The following TRDN variants were observed in gnomAD, a reference collection of about 807,000 sequenced individuals.
TRDN encodes the protein triadin.
Under a neutral mutation model 149.7 loss-of-function variants are expected in TRDN, and 161 were observed. The ratio of observed to expected loss-of-function variants is 1.08; its 90% CI spans 0.95 to 1.23. The LOEUF (loss-of-function observed/expected upper bound fraction) is 1.23, where lower values mean the gene tolerates loss of function less well. Ranked by LOEUF, TRDN falls within the 50% of genes most tolerant of loss-of-function variation. The probability of loss-of-function intolerance (pLI) is 0.00; values close to 1 mark genes in which losing one functional copy is unlikely to be tolerated. For missense variants in TRDN, 896 were observed against 823.5 expected, an observed-to-expected ratio of 1.09 and a Z score of -1.08; for synonymous variants, 294 against 250.5, an observed-to-expected ratio of 1.17 and a Z score of -1.64.
chr6:123,407,271 G>A (rs1272351753), intron 12 of TRDN, among the ~76,000 whole-genome samples: 13 of 152,128 alleles, frequency 8.5e-5, no homozygotes, highest in African/African-American at 2.4e-5. Flanking sequence ...CAACCAAACC[G>A]AACGAAACAT....
In TRDN at chr6:123,331,945, G is replaced by A. The variant is rs756376177; in HGVS notation, c.1421-16C>T. 27 of 1,523,074 alleles carry A rather than the reference G, an allele frequency of 1.8e-5. No homozygotes were observed. Among genetic ancestry groups the A allele is most frequent in the Non-Finnish European group, 2.1e-5 (24 of 1,133,498 alleles). 94.3% of individuals were successfully genotyped at this position (1,523,074 alleles called of 1,614,324 possible). On this transcript the variant is annotated splice_polypyrimidine_tract_variant and intron_variant, in intron 22 of 40. Transcript: ENST00000334268. ...TTAATAGGTTCTGAAAAGAAACATC[G>A]GACATTTATTTGAAGCCAAGACAAA...
At chr6:123,566,835 T>C (rs1027308728) in intron 2 of TRDN, among the ~76,000 whole-genome samples, 14 of 152,244 alleles carry the variant, frequency 9.2e-5, no homozygotes, top group African/African-American at 1.9e-4. Flanking sequence ...AGTTCTTTCA[T>C]TTTTATAATA....
At chr6:123,492,732 T>C (rs1778275173) in intron 9 of TRDN, among the ~76,000 whole-genome samples, 1 of 152,106 alleles carries the variant, frequency 6.6e-6, no homozygotes, top group Non-Finnish European at 1.5e-5. Context: ...ATCCGTACTA[T>C]CAATTTCCAA....
chr6:123,500,634 A>G (rs1778656279), intron 8 of TRDN, among the ~76,000 whole-genome samples: 1 of 152,132 alleles, frequency 6.6e-6, no homozygotes, highest in Non-Finnish European at 1.5e-5. Flanking sequence ...TTGGAATAAC[A>G]CATGCTGTCC....
At chr6:123,622,446 A>G (rs772986034) in intron 1 of TRDN, among the ~76,000 whole-genome samples, 1 of 152,116 alleles carries the variant, frequency 6.6e-6, no homozygotes, top group Non-Finnish European at 1.5e-5. Flanking sequence ...AAGTTTTGGG[A>G]GGAGTCAAAG....
chr6:123,618,392 C>T (rs930894318), intron 1 of TRDN, among the ~76,000 whole-genome samples: 3 of 152,124 alleles, frequency 2.0e-5, no homozygotes, highest in African/African-American at 4.8e-5. Flanking sequence ...CTGATTGCAT[C>T]TCCCGCTGGC....
At chr6:123,516,914 T>C (rs1779437662) in intron 5 of TRDN, among the ~76,000 whole-genome samples, 1 of 152,104 alleles carries the variant, frequency 6.6e-6, no homozygotes, top group African/African-American at 2.4e-5. Context: ...CTTTCAATCA[T>C]GTCTTTTTGA....
intron 1 of TRDN, among the ~76,000 whole-genome samples, chr6:123,579,738 A>G (rs748191132): frequency 6.6e-6 from 1 of 152,132 alleles, no homozygotes; most frequent in Non-Finnish European, 1.5e-5. Flanking sequence ...TGTAATCCCT[A>G]TAATCCCCAC....
chr6:123,523,833 G>A (rs916157023), intron 5 of TRDN, among the ~76,000 whole-genome samples: 5 of 152,134 alleles, frequency 3.3e-5, no homozygotes, highest in African/African-American at 1.2e-4. Context: ...CCCCAGTGGT[G>A]AAAGAGGGAG....
chr6:123,229,738 T>C (rs1280380582), intron 38 of TRDN, among the ~76,000 whole-genome samples: 1 of 151,880 alleles, frequency 6.6e-6, no homozygotes, highest in African/African-American at 2.4e-5. Context: ...CTAATAAATA[T>C]GGACTCTAAT....
At chr6:123,339,086 C>T (rs915538412) in intron 21 of TRDN, among the ~76,000 whole-genome samples, 10 of 151,750 alleles carry the variant, frequency 6.6e-5, no homozygotes, top group Non-Finnish European at 1.5e-4. Context: ...GATCTTGGCT[C>T]ACTGAAATCC....
At chr6:123,582,010 AG>A (rs1431653168) in intron 1 of TRDN, among the ~76,000 whole-genome samples, 1 of 152,218 alleles carries the variant, frequency 6.6e-6, no homozygotes, top group East Asian at 1.9e-4. Context: ...TAAGTGACCA[AG>A]GCCCAAGGCA....
chr6:123,615,245 C>T (rs1785024099), intron 1 of TRDN, among the ~76,000 whole-genome samples: 1 of 152,078 alleles, frequency 6.6e-6, no homozygotes, highest in African/African-American at 2.4e-5. Context: ...TATGGGGCTT[C>T]CTCAAAAAAC....
At chr6:123,230,155 G>T (rs1209379193) in intron 38 of TRDN, among the ~76,000 whole-genome samples, 1 of 151,938 alleles carries the variant, frequency 6.6e-6, no homozygotes, top group Admixed American at 6.6e-5. Flanking sequence ...ATCAGTGATA[G>T]ACTGGAATAA....
chr6:123,380,316 AG>A, intron 16 of TRDN, among the ~76,000 whole-genome samples: 1 of 152,308 alleles, frequency 6.6e-6, no homozygotes, highest in Non-Finnish European at 1.5e-5. Context: ...AAGGGCCTTA[AG>A]GCTATCTCTA....
intron 38 of TRDN, among the ~76,000 whole-genome samples, chr6:123,226,887 T>C (rs1356552750): frequency 6.6e-6 from 1 of 151,782 alleles, no homozygotes; most frequent in Admixed American, 6.6e-5. Context: ...AGGAAAATGT[T>C]TAATGAAGGA....
At position 123,513,772 on chromosome 6, in the gene TRDN, G is replaced by A. The variant is rs914488109; in HGVS notation, c.551-1410C>T. The stretch of plus-strand genomic sequence containing the variant: ...GGTTACATGAGTAAGCTTTTTAGTG[G>A]TGATTGGTGAGATTTTGGTATTTTC... On this transcript the variant is annotated intron_variant, in intron 6 of 40. Transcript: ENST00000334268. 5.9e-5 allele frequency among the ~76,000 whole-genome samples: 9 copies of A among 152,154 alleles called. No individual in the cohort carries two copies. The East Asian group carries it at 1.7e-3, about 29-fold the overall frequency.
At chr6:123,570,791 C>T in intron 2 of TRDN, 132 bp downstream of exon 2, 1 of 728,944 alleles carries the variant, frequency 1.4e-6, no homozygotes. Context: ...TTTCAGTGAT[C>T]CTCAAGCACA....
chr6:123,516,008 A>T, intron 6 of TRDN, 133 bp downstream of exon 6: 1 of 1,030,552 alleles, frequency 9.7e-7, no homozygotes, highest in Non-Finnish European at 1.2e-6. Flanking sequence ...TCCTTTTTTC[A>T]GATTCTATTC....
Sources: allele counts gnomAD v4.1 joint callset (sites outside exome capture counted in the v4.1 genomes callset), GRCh38; gene constraint gnomAD v4.1.1; transcripts MANE v1.5; gene names NCBI Gene and HGNC (gene_info 2026-07-23, HGNC 2026-07-21).